The following MBD5 variants were observed in gnomAD, a reference collection of about 807,000 sequenced individuals.
MBD5 encodes methyl-CpG-binding domain protein 5.
Under a neutral mutation model 117.3 loss-of-function variants are expected in MBD5, and 13 were observed. The ratio of observed to expected loss-of-function variants is 0.11; its 90% CI spans 0.07 to 0.18. MBD5 has a LOEUF of 0.18. Ranked by LOEUF, MBD5 falls within the 10% of genes least tolerant of loss-of-function variation. The pLI is 1.00. For missense variants in MBD5, 1,879 were observed against 2,093.8 expected (o/e 0.90, Z 2.00); for synonymous variants, 727 against 766.4 (o/e 0.95, Z 0.85).
intron 4 of MBD5, among the ~76,000 whole-genome samples, chr2:148,420,648 C>G (rs951883743): frequency 6.6e-6 from 1 of 152,170 alleles, no homozygotes; most frequent in Non-Finnish European, 1.5e-5. Flanking sequence ...TATCACTATA[C>G]TCAAGCCAGG....
intron 1 of MBD5, among the ~76,000 whole-genome samples, chr2:148,064,340 C>T (rs1179470503): frequency 6.6e-6 from 1 of 151,528 alleles, no homozygotes; most frequent in Non-Finnish European, 1.5e-5. Flanking sequence ...TGGTCTCGAT[C>T]TCCTGACCTC....
chr2:148,270,580 G>A (rs1700962086), intron 3 of MBD5, among the ~76,000 whole-genome samples: 1 of 151,818 alleles, frequency 6.6e-6, no homozygotes, highest in Non-Finnish European at 1.5e-5. Flanking sequence ...GTAGAGATGG[G>A]GTTTCACCAT....
intron 1 of MBD5, among the ~76,000 whole-genome samples, chr2:148,067,977 C>T (rs1695250079): frequency 6.6e-6 from 1 of 152,188 alleles, no homozygotes; most frequent in Admixed American, 6.5e-5. Context: ...TGGTAAGCTT[C>T]ATCTGAACTG....
At chr2:148,441,430 T>G (rs1706320123) in intron 4 of MBD5, among the ~76,000 whole-genome samples, 1 of 152,078 alleles carries the variant, frequency 6.6e-6, no homozygotes, top group Non-Finnish European at 1.5e-5. Flanking sequence ...ACAAAGGACA[T>G]GAACTCATCA....
At position 148,485,814 on chromosome 2, in the gene MBD5, A is replaced by G. The variant is rs781448662; in HGVS notation, c.3617A>G (p.Asn1206Ser). 1.9e-6 allele frequency: 3 copies of G among 1,614,008 alleles called. No individual in the cohort carries two copies. The highest frequency in any genetic ancestry group is 2.5e-6 in the Non-Finnish European group (3 of 1,179,894). Residue 1206 changes from asparagine (N) to serine (S), a missense_variant, in exon 10 of 14, where the codon AAT becomes AGT. Coordinates refer to ENST00000642680, the MANE Select transcript of MBD5 (RefSeq NM_001378120.1). ...CATCTACAGTCGCTGTTAAACAACA[A>G]TCAGATGTTTCCTCCAAATCAGCAA... ...LTHLQSLLNN[N>S]QMFPPNQQQQ...
intron 4 of MBD5, among the ~76,000 whole-genome samples, chr2:148,392,574 G>A (rs1704598132): frequency 1.3e-5 from 2 of 152,020 alleles, no homozygotes; most frequent in Non-Finnish European, 2.9e-5. Context: ...TGGCTTTTTT[G>A]GTGTGTTTAA....
At chr2:148,494,773 G>A (rs1300810995) in intron 11 of MBD5, among the ~76,000 whole-genome samples, 1 of 152,040 alleles carries the variant, frequency 6.6e-6, no homozygotes, top group Non-Finnish European at 1.5e-5. Context: ...CATCCTGGCT[G>A]ACACGGTGAA....
intron 1 of MBD5, among the ~76,000 whole-genome samples, chr2:148,151,151 AG>A (rs1226363732): frequency 6.6e-6 from 1 of 151,000 alleles, no homozygotes; most frequent in Admixed American, 6.6e-5. Flanking sequence ...TTTAGCATGA[AG>A]GGTTGTTGAA....
chr2:148,264,215 C>G (rs1204749216), intron 3 of MBD5: 1 of 151,998 alleles, frequency 6.6e-6, no homozygotes, highest in Non-Finnish European at 1.5e-5. Flanking sequence ...ACCTGTAATC[C>G]CATCACTTTG....
At chr2:148,375,743 T>G (rs1703970351) in intron 4 of MBD5, among the ~76,000 whole-genome samples, 2 of 152,074 alleles carry the variant, frequency 1.3e-5, no homozygotes, top group African/African-American at 4.8e-5. Context: ...CTAGATTAAT[T>G]TTCATCTTAA....
At position 148,445,234 on chromosome 2, in the gene MBD5, C is replaced by A. The variant is rs916044419; in HGVS notation, c.-556-12969C>A. Among the ~76,000 whole-genome samples the A allele has an allele frequency of 5.3e-5, 8 of 151,066 alleles. No homozygotes were observed. In the East Asian group the frequency reaches 1.2e-3, roughly 22 times the overall value. On this transcript the variant is annotated intron_variant, in intron 4 of 13. Transcript: ENST00000642680. Reference sequence around the variant, plus strand: ...CATGTGCCATGTTGGTGTGCTGCACCCATTAACTCGTCATTTACATTAGGT... The same window carrying A: ...CATGTGCCATGTTGGTGTGCTGCACACATTAACTCGTCATTTACATTAGGT...
intron 1 of MBD5, among the ~76,000 whole-genome samples, chr2:148,116,207 C>CCTT (rs10669289): frequency 0.88 from 133,052 of 151,350 alleles, 58,574 homozygotes; most frequent in East Asian, 0.91. Flanking sequence ...TAGTACTGTT[C>CCTT]CTTCCCCCCA....
chr2:148,301,781 A>T (rs1701779953), intron 3 of MBD5, among the ~76,000 whole-genome samples: 1 of 152,172 alleles, frequency 6.6e-6, no homozygotes, highest in African/African-American at 2.4e-5. Context: ...TTAGCAGTCT[A>T]GTGTTCTTAG....
At chr2:148,251,001 T>C (rs1161815672) in intron 3 of MBD5, among the ~76,000 whole-genome samples, 1 of 152,148 alleles carries the variant, frequency 6.6e-6, no homozygotes, top group African/African-American at 2.4e-5. Context: ...GGTTTTTTAA[T>C]GTGGTTTTTG....
At chr2:148,370,441 A>C (rs945165299) in intron 4 of MBD5, among the ~76,000 whole-genome samples, 1 of 152,172 alleles carries the variant, frequency 6.6e-6, no homozygotes, top group African/African-American at 2.4e-5. Flanking sequence ...TAGTAAATTC[A>C]AAGTAAAATA....
At chr2:148,471,159 G>A (rs1053639980) in intron 8 of MBD5, 1 of 151,936 alleles carries the variant, frequency 6.6e-6, no homozygotes, top group Non-Finnish European at 1.5e-5. Context: ...TGAGTTTCTT[G>A]TAGAACTAAA....
intron 3 of MBD5, among the ~76,000 whole-genome samples, chr2:148,338,917 T>G (rs1345806988): frequency 1.3e-5 from 2 of 152,144 alleles, no homozygotes; most frequent in African/African-American, 4.8e-5. Context: ...CTAAAGACAT[T>G]CAAATTTGGG....
chr2:148,404,248 T>G (rs1380903935), intron 4 of MBD5, among the ~76,000 whole-genome samples: 1 of 152,214 alleles, frequency 6.6e-6, no homozygotes, highest in African/African-American at 2.4e-5. Flanking sequence ...AGGTTTTGCC[T>G]TTAAGACTCA....
intron 1 of MBD5, among the ~76,000 whole-genome samples, chr2:148,098,676 A>C (rs1197697792): frequency 1.3e-5 from 2 of 152,132 alleles, no homozygotes; most frequent in Non-Finnish European, 2.9e-5. Flanking sequence ...GTGTGTGCTA[A>C]GGTATTCTAC....
Sources: allele counts gnomAD v4.1 joint callset (sites outside exome capture counted in the v4.1 genomes callset), GRCh38; gene constraint gnomAD v4.1.1; transcripts MANE v1.5; gene names NCBI Gene and HGNC (gene_info 2026-07-23, HGNC 2026-07-21).